Variants in IFT122 observed in about 807,000 individuals in gnomAD.
The protein encoded by IFT122 is intraflagellar transport 122, also known as intraflagellar transport protein 122 homolog.
IFT122 carries 118 observed loss-of-function variants against 161.6 expected under a neutral mutation model. The observed-to-expected ratio is 0.73, with a 90% CI of 0.63 to 0.85. The LOEUF (loss-of-function observed/expected upper bound fraction) is 0.85, where lower values mean the gene tolerates loss of function less well. IFT122 is among the 40% of genes least tolerant of loss of function. The probability of loss-of-function intolerance (pLI) is 0.00; values close to 1 mark genes in which losing one functional copy is unlikely to be tolerated. For missense variants in IFT122, 1,381 were observed against 1,579.6 expected, an observed-to-expected ratio of 0.87 and a Z score of 2.13; for synonymous variants, 550 against 602.4, an observed-to-expected ratio of 0.91 and a Z score of 1.27.
Position 129,499,919 on chromosome 3 carries a change from A to G in IFT122, c.2226A>G (p.Gly742=), listed in dbSNP as rs762005616. ...FEYAKDFLGS[G]DPKETKMLIT... is the part of the protein sequence containing the mutation. ...TTCCTCAGGATTTCCTTGGATCTGG[A>G]GACCCCAAAGAAACAAAGATGCTAA... The change falls in exon 19 of 30, where the codon GGA becomes GGG. Residue 742 remains glycine, a synonymous_variant. Coordinates refer to ENST00000348417, the MANE Select transcript of IFT122 (RefSeq NM_052989.3). 3 of 1,614,160 alleles carry G rather than the reference A, an allele frequency of 1.9e-6. No individual in the cohort carries two copies. The highest frequency in any genetic ancestry group is 2.2e-5 in the South Asian group (2 of 91,074).
intron 18 of IFT122, among the ~76,000 whole-genome samples, chr3:129,499,340 G>T (rs1445814087): frequency 6.6e-6 from 1 of 152,180 alleles, no homozygotes; most frequent in Non-Finnish European, 1.5e-5. Flanking sequence ...AGAGGGCATG[G>T]AGGGCACGGA....
At chr3:129,517,268 G>GCGCGCGCGCGCGCGCGCACACACA (rs1553776447) in intron 26 of IFT122, among the ~76,000 whole-genome samples, 5 of 117,004 alleles carry the variant, frequency 4.3e-5, no homozygotes, top group African/African-American at 1.6e-4. Context: ...CATTGCTCCT[G>GCGCGCGCGCGCGCGCGCACACACA]CACACACACA....
rs771427655 is a variant in IFT122, at chr3:129,479,828, G to A, written c.1394G>A (p.Arg465Gln). 105 of 1,613,940 alleles carry A rather than the reference G, an allele frequency of 6.5e-5. No homozygotes were observed. The highest frequency in any genetic ancestry group is 1.2e-4 in the African/African-American group (9 of 74,904). The change falls in exon 13 of 30, where the codon CGG becomes CAG. Residue 465 changes from arginine to glutamine, a missense_variant. By Grantham distance (43) the Arg-to-Gln change is conservative (BLOSUM62 1). Transcript: ENST00000348417. ...QCLSFSGVKE[R>Q]EWQMESLIRY... ...CTGTCCTTCAGCGGAGTGAAGGAGC[G>A]GGAGTGGCAGATGGAGTCTCTCATT...
intron 5 of IFT122, among the ~76,000 whole-genome samples, chr3:129,462,085 T>C (rs1454839993): frequency 2.0e-5 from 3 of 152,216 alleles, no homozygotes; most frequent in African/African-American, 7.2e-5. Flanking sequence ...TGTGTCTCAC[T>C]GATACGGTTC....
At position 129,478,216 on chromosome 3, in the gene IFT122, C is replaced by G. The variant is rs1215026584; in HGVS notation, c.1348C>G (p.Gln450Glu). Reference protein sequence around the residue: ...VVCANHIILCQEKRLQCLSFS... With the variant: ...VVCANHIILCEEKRLQCLSFS... ...GTGTGCCAATCACATCATCCTGTGC[C>G]AGGTGGGCAGCAGCATGTTGAAGGA... The change falls in exon 12 of 30, where the codon CAG (glutamine) becomes GAG (glutamate). Residue 450 changes from glutamine to glutamate, a missense_variant and splice_region_variant. This residue lies in a region of IFT122 where 544 missense variants were observed against 648.0 expected (regional missense o/e 0.84). Coordinates refer to ENST00000348417, the MANE Select transcript of IFT122 (RefSeq NM_052989.3). The G allele has an allele frequency of 6.2e-7, 1 of 1,613,854 alleles. No homozygotes were observed. The highest frequency in any genetic ancestry group is 1.3e-5 in the African/African-American group (1 of 74,878).
At chr3:129,457,764 C>T (rs1371794741) in intron 3 of IFT122, among the ~76,000 whole-genome samples, 1 of 123,828 alleles carries the variant, frequency 8.1e-6, no homozygotes, top group Non-Finnish European at 1.6e-5. Context: ...GAGATGGAGT[C>T]TCGCTCTGTT....
chr3:129,463,738 G>T, intron 6 of IFT122, 112 bp downstream of exon 6: 2 of 839,102 alleles, frequency 2.4e-6, no homozygotes, highest in Non-Finnish European at 2.0e-6. Context: ...GTTGGTTTAG[G>T]CCCCTGTATT....
At chr3:129,460,447 A>G (rs568030127) in intron 4 of IFT122, among the ~76,000 whole-genome samples, 1 of 147,246 alleles carries the variant, frequency 6.8e-6, no homozygotes, top group South Asian at 2.2e-4. Flanking sequence ...TTTCTTTATT[A>G]TTATTTTTTT....
At chr3:129,511,214 A>G (rs1401833810) in intron 23 of IFT122, among the ~76,000 whole-genome samples, 1 of 152,224 alleles carries the variant, frequency 6.6e-6, no homozygotes, top group East Asian at 1.9e-4. Flanking sequence ...CTGGGACGTT[A>G]CTTAGCTTCC....
At chr3:129,493,400 A>G (rs150688520) in intron 17 of IFT122, among the ~76,000 whole-genome samples, 17 of 152,356 alleles carry the variant, frequency 1.1e-4, no homozygotes, top group African/African-American at 4.1e-4. Context: ...GCTAAGCCTC[A>G]TAACGTAATC....
At chr3:129,448,424 A>G (rs902871953) in intron 1 of IFT122, among the ~76,000 whole-genome samples, 3 of 152,186 alleles carry the variant, frequency 2.0e-5, no homozygotes, top group Non-Finnish European at 2.9e-5. Flanking sequence ...TCATTTGCAT[A>G]ACTTTCGAAA....
intron 23 of IFT122, among the ~76,000 whole-genome samples, chr3:129,508,917 G>C (rs952373535): frequency 1.3e-5 from 2 of 152,126 alleles, no homozygotes; most frequent in Non-Finnish European, 2.9e-5. Flanking sequence ...TGCAGTTTTC[G>C]GTGCATCTCC....
Position 129,453,865 on chromosome 3 carries a change from G to T in IFT122, c.193+1867G>T, listed in dbSNP as rs530681243. Among the ~76,000 whole-genome samples the T allele has an allele frequency of 1.1e-3, 171 of 152,288 alleles. 2 individuals carry two copies. Among genetic ancestry groups the T allele is most frequent in the African/African-American group, 3.9e-3 (164 of 41,560 alleles). On this transcript the variant is annotated intron_variant, in intron 3 of 29. Transcript: ENST00000348417. ...GATTAGTGGGAAGAAATGGGCTTTG[G>T]AATGAGACAGTTGTGAGTTCCAACC...
chr3:129,516,672 T>C (rs1225291187), intron 26 of IFT122, among the ~76,000 whole-genome samples: 1 of 73,358 alleles, frequency 1.4e-5, no homozygotes, highest in Non-Finnish European at 2.5e-5. Flanking sequence ...AAACTGCCCC[T>C]GCACACACAC....
intron 26 of IFT122, among the ~76,000 whole-genome samples, chr3:129,516,762 CCCTGCACACAGACACACAGAGACCGCT>C (rs2083817844): frequency 7.9e-6 from 1 of 126,202 alleles, no homozygotes; most frequent in East Asian, 2.7e-4. Flanking sequence ...CACAGACTGC[CCCTGCACACAGACACACAGAGACCGCT>C]CCTGCACACA....
intron 21 of IFT122, among the ~76,000 whole-genome samples, chr3:129,506,021 G>C (rs567658836): frequency 6.6e-6 from 1 of 152,324 alleles, no homozygotes; most frequent in East Asian, 1.9e-4. Context: ...TCCAAGTGCA[G>C]TAAAGTGGCA....
intron 22 of IFT122, 95 bp from the exon 23 acceptor site, chr3:129,507,573 G>C: frequency 1.1e-6 from 1 of 938,546 alleles, no homozygotes; most frequent in African/African-American, 1.6e-5. Flanking sequence ...CTGATGCTGG[G>C]AAAAGTACTG....
At chr3:129,517,990 C>A (rs1326670015) in intron 27 of IFT122, among the ~76,000 whole-genome samples, 1 of 152,244 alleles carries the variant, frequency 6.6e-6, no homozygotes, top group African/African-American at 2.4e-5. Flanking sequence ...GAGTCCAAAA[C>A]TGACAAGCTG....
chr3:129,464,843 TC>T (rs2076543946), intron 7 of IFT122, 62 bp downstream of exon 7: 3 of 1,561,402 alleles, frequency 1.9e-6, no homozygotes, highest in Non-Finnish European at 2.6e-6. Flanking sequence ...CTTTTTGTCT[TC>T]CTGAGGTCTC....
Sources: allele counts gnomAD v4.1 joint callset (sites outside exome capture counted in the v4.1 genomes callset), GRCh38; gene constraint gnomAD v4.1.1; regional missense constraint gnomAD v4.1.1; transcripts MANE v1.5; gene names NCBI Gene and HGNC (gene_info 2026-07-23, HGNC 2026-07-21).